Variants in ATP6V0E1 observed in about 807,000 individuals in gnomAD.
ATP6V0E1 encodes V-type proton ATPase subunit e 1.
Under a neutral mutation model 11.6 loss-of-function variants are expected in ATP6V0E1, and 4 were observed. That is an observed-to-expected ratio of 0.35 (90% CI 0.17 to 0.79). ATP6V0E1 has a LOEUF of 0.79. ATP6V0E1 is among the 30% of genes least tolerant of loss of function. The pLI, the probability that ATP6V0E1 is intolerant of heterozygous loss-of-function variation, is 0.54. For synonymous variants in ATP6V0E1, 36 were observed against 34.8 expected (o/e 1.04, Z -0.13); for missense variants, 105 against 100.0 (o/e 1.05, Z -0.21).
intron 3 of ATP6V0E1, among the ~76,000 whole-genome samples, chr5:173,025,945 G>C (rs1339539586): frequency 6.6e-6 from 1 of 152,058 alleles, no homozygotes; most frequent in Non-Finnish European, 1.5e-5. Flanking sequence ...GATCTCTTGA[G>C]CCCAGAGTTT....
chr5:172,985,127 C>T (rs929461767), intron 1 of ATP6V0E1, among the ~76,000 whole-genome samples: 1 of 151,880 alleles, frequency 6.6e-6, no homozygotes, highest in Non-Finnish European at 1.5e-5. Flanking sequence ...CGCCTGTAAT[C>T]CCAGCTACTC....
intron 2 of ATP6V0E1, among the ~76,000 whole-genome samples, chr5:173,009,237 T>A (rs1756278512): frequency 6.6e-6 from 1 of 151,110 alleles, no homozygotes; most frequent in South Asian, 2.1e-4. Context: ...AAATACAAAT[T>A]AAAAAAATAA....
intron 3 of ATP6V0E1, among the ~76,000 whole-genome samples, chr5:173,028,613 G>C (rs189168491): frequency 3.9e-5 from 6 of 152,188 alleles, no homozygotes; most frequent in Admixed American, 2.6e-4. Context: ...ATACATAGCC[G>C]ATCTTTTGCT....
chr5:173,006,092 G>T (rs1396097850), intron 2 of ATP6V0E1, among the ~76,000 whole-genome samples: 1 of 152,002 alleles, frequency 6.6e-6, no homozygotes, highest in Non-Finnish European at 1.5e-5. Context: ...TTCTATATCA[G>T]GTCAAGATGG....
intron 3 of ATP6V0E1, among the ~76,000 whole-genome samples, chr5:173,025,504 C>CTTTTTT (rs60822937): frequency 4.6e-5 from 3 of 65,566 alleles, no homozygotes; most frequent in Non-Finnish European, 8.3e-5. Context: ...ATATAAAATA[C>CTTTTTT]TTTTTTTTTT....
chr5:173,007,846 C>T (rs979430535), intron 2 of ATP6V0E1, among the ~76,000 whole-genome samples: 4 of 152,162 alleles, frequency 2.6e-5, no homozygotes, highest in African/African-American at 9.7e-5. Context: ...TTCTGGAGTA[C>T]AGGCAGGGGG....
rs147204433 is a variant in ATP6V0E1, at chr5:172,990,987, G to A, written c.105-3788G>A. ...TTGTTTTGTTTTAAAGAGTCTCCCT[G>A]CGTTGCCAAGGCCTCGAGTGCAGTA... On this transcript the variant is annotated intron_variant, in intron 1 of 3. Transcript: ENST00000519374. 5.0e-3 allele frequency among the ~76,000 whole-genome samples: 754 copies of A among 152,092 alleles called. 8 individuals are homozygous for A. The highest frequency in any genetic ancestry group is 0.017 in the African/African-American group (717 of 41,502).
At chr5:172,997,213 A>G (rs1756078993) in intron 2 of ATP6V0E1, among the ~76,000 whole-genome samples, 1 of 152,248 alleles carries the variant, frequency 6.6e-6, no homozygotes. Context: ...TCTCCACACC[A>G]GAAGGTAGTC....
chr5:173,008,187 T>C (rs1287661086), intron 2 of ATP6V0E1, among the ~76,000 whole-genome samples: 1 of 152,200 alleles, frequency 6.6e-6, no homozygotes, highest in African/African-American at 2.4e-5. Context: ...ACACATTGAA[T>C]TGCACTTCAT....
intron 3 of ATP6V0E1, chr5:173,020,934 C>T (rs762882276): frequency 1.9e-6 from 1 of 519,548 alleles, no homozygotes; most frequent in Non-Finnish European, 3.8e-6. Context: ...ACAGAGAAAA[C>T]AAAATTAAGG....
intron 3 of ATP6V0E1, 28 bp downstream of exon 3, chr5:173,020,395 A>C (rs1214501998): frequency 7.4e-7 from 1 of 1,350,058 alleles, no homozygotes; most frequent in Non-Finnish European, 1.1e-6. Flanking sequence ...CTTTCTTATC[A>C]GTATGGTCAG....
intron 1 of ATP6V0E1, among the ~76,000 whole-genome samples, chr5:172,993,471 A>T (rs1396374071): frequency 1.3e-5 from 2 of 152,076 alleles, no homozygotes; most frequent in Non-Finnish European, 2.9e-5. Context: ...GTGCCACTGC[A>T]CTCCAGCCTG....
chr5:172,997,970 G>T (rs1353308698), intron 2 of ATP6V0E1, among the ~76,000 whole-genome samples: 2 of 152,040 alleles, frequency 1.3e-5, no homozygotes, highest in Non-Finnish European at 2.9e-5. Context: ...TTATCCGATT[G>T]TGGTGGCACA....
At chr5:173,022,705 C>T (rs1354557938) in intron 3 of ATP6V0E1, among the ~76,000 whole-genome samples, 2 of 152,054 alleles carry the variant, frequency 1.3e-5, no homozygotes, top group African/African-American at 4.8e-5. Flanking sequence ...ACCATCATGG[C>T]TTACTGCAGC....
At position 173,028,582 on chromosome 5, in the gene ATP6V0E1, A is replaced by G. The variant is rs542642576; in HGVS notation, c.*37-5817A>G. Among the ~76,000 whole-genome samples, 3 of 152,366 alleles carry G rather than the reference A, an allele frequency of 2.0e-5. No homozygotes were observed. In the South Asian group the frequency reaches 6.2e-4, roughly 32 times the overall value. On this transcript the variant is annotated intron_variant, in intron 3 of 3. Transcript: ENST00000519374. ...ATTTTATATAGATGAAATGGAATCAATCCAAAGAACACACCGTTAAATACA... is the reference window on the plus strand; with the variant it reads ...ATTTTATATAGATGAAATGGAATCAGTCCAAAGAACACACCGTTAAATACA...
intron 2 of ATP6V0E1, 70 bp from the exon 3 acceptor site, chr5:173,020,168 G>T: frequency 7.8e-7 from 1 of 1,286,872 alleles, no homozygotes; most frequent in Admixed American, 1.8e-5. Context: ...CTTTTTCCAT[G>T]CTAATTGAAA....
intron 2 of ATP6V0E1, among the ~76,000 whole-genome samples, chr5:173,001,899 G>A (rs1452455805): frequency 6.6e-6 from 1 of 152,062 alleles, no homozygotes; most frequent in Non-Finnish European, 1.5e-5. Flanking sequence ...TGTGTTTTTA[G>A]TAGGGATGAG....
intron 3 of ATP6V0E1, among the ~76,000 whole-genome samples, chr5:173,030,602 G>A (rs1221836762): frequency 4.0e-5 from 6 of 151,694 alleles, no homozygotes; most frequent in African/African-American, 1.2e-4. Context: ...CACCATACCC[G>A]GCTAATTTTT....
chr5:172,988,126 C>T (rs1408862381), intron 1 of ATP6V0E1, among the ~76,000 whole-genome samples: 1 of 152,034 alleles, frequency 6.6e-6, no homozygotes, highest in African/African-American at 2.4e-5. Flanking sequence ...ATTCTAGGCC[C>T]ACACAGGTTC....
Sources: gnomAD v4.1 joint callset for allele counts (sites outside exome capture counted in the v4.1 genomes callset) on GRCh38, gnomAD v4.1.1 for gene constraint, MANE v1.5 for transcripts, NCBI Gene and HGNC (gene_info 2026-07-23, HGNC 2026-07-21) for gene names.